SUN3: variants seen among roughly 807,000 people sequenced by gnomAD.
The protein encoded by SUN3 is Sad1 and UNC84 domain containing 3, also known as SUN domain-containing protein 3.
Under a neutral mutation model 48.2 loss-of-function variants are expected in SUN3, and 36 were observed. The ratio of observed to expected loss-of-function variants is 0.75; its 90% CI spans 0.57 to 0.99. The LOEUF is 0.99. SUN3 is among the 50% of genes least tolerant of loss of function. SUN3 has a pLI of 0.00. For missense variants in SUN3, 419 were observed against 433.1 expected (o/e 0.97, Z 0.29); for synonymous variants, 148 against 147.9 (o/e 1.00, Z 0.00).
At chr7:48,031,832 G>GCACACA (rs3073706), upstream of SUN3, among the ~76,000 whole-genome samples, 21,437 of 142,180 alleles carry the variant, frequency 0.15, 1,808 homozygotes, top group Middle Eastern at 0.21. Flanking sequence ...TGTGATTTAT[G>GCACACA]CACACACACA....
At chr7:48,000,032 T>A (rs1362090819) in intron 6 of SUN3, 2 of 152,262 alleles carry the variant, frequency 1.3e-5, no homozygotes, top group Non-Finnish European at 2.9e-5. Flanking sequence ...TAGAATTAAA[T>A]CTACATATAT....
upstream of SUN3, among the ~76,000 whole-genome samples, chr7:48,030,555 C>A (rs894316355): frequency 2.9e-4 from 44 of 152,324 alleles, no homozygotes; most frequent in African/African-American, 1.0e-3. Flanking sequence ...CATCTTGCTT[C>A]TTTCCCTTAA....
At chr7:48,012,215 A>C (rs1789702997) in intron 3 of SUN3, among the ~76,000 whole-genome samples, 1 of 152,222 alleles carries the variant, frequency 6.6e-6, no homozygotes, top group Non-Finnish European at 1.5e-5. Flanking sequence ...CACAGCCTCC[A>C]GGGATATTGT....
intron 3 of SUN3, among the ~76,000 whole-genome samples, chr7:48,016,791 G>A (rs1020508037): frequency 1.3e-5 from 2 of 152,200 alleles, no homozygotes; most frequent in Admixed American, 1.3e-4. Flanking sequence ...CACAGCCTGG[G>A]TAATTTATAA....
intron 3 of SUN3, among the ~76,000 whole-genome samples, chr7:48,014,974 G>C (rs1789772598): frequency 6.6e-6 from 1 of 152,148 alleles, no homozygotes; most frequent in Admixed American, 6.5e-5. Context: ...CCACATTGTA[G>C]AGGGTAGTCT....
chr7:48,012,324 G>A (rs115340861), intron 3 of SUN3, among the ~76,000 whole-genome samples: 341 of 152,152 alleles, frequency 2.2e-3, no homozygotes, highest in African/African-American at 6.9e-3. Context: ...ACACGAAGGC[G>A]TCAGGTAGAG....
intron 6 of SUN3, among the ~76,000 whole-genome samples, chr7:48,003,424 T>C (rs1789443252): frequency 6.6e-6 from 1 of 152,232 alleles, no homozygotes; most frequent in Non-Finnish European, 1.5e-5. Flanking sequence ...TTTAAAATAG[T>C]TTTATCTAGT....
At chr7:48,035,303 C>A in the SUN3 span, among the ~76,000 whole-genome samples, 8 of 152,094 alleles carry the variant, frequency 5.3e-5, no homozygotes, top group Non-Finnish European at 8.8e-5. This position sits in a 1 kb window ranked among gnomAD's most constrained non-coding sequence, Gnocchi z 4.0. Context: ...CTGCTCCCAC[C>A]CCCGCTGCGT....
At chr7:48,029,152 T>C (rs1386597257), upstream of SUN3, 12 of 598,380 alleles carry the variant, frequency 2.0e-5, no homozygotes, top group Non-Finnish European at 3.3e-5. Flanking sequence ...ATAATGCAGA[T>C]GGCCACCACG....
upstream of SUN3, among the ~76,000 whole-genome samples, chr7:48,030,806 G>A (rs1790245766): frequency 6.6e-6 from 1 of 152,154 alleles, no homozygotes; most frequent in African/African-American, 2.4e-5. Context: ...AAGTCTATGT[G>A]TATTTTTCAA....
intron 6 of SUN3, among the ~76,000 whole-genome samples, chr7:47,999,130 T>G (rs1789290458): frequency 1.3e-5 from 2 of 152,366 alleles, no homozygotes; most frequent in African/African-American, 2.4e-5. Flanking sequence ...TCCATAAACA[T>G]GGTATACTTG....
At chr7:48,022,635 T>C (rs1218090054) in intron 2 of SUN3, among the ~76,000 whole-genome samples, 1 of 151,354 alleles carries the variant, frequency 6.6e-6, no homozygotes, top group East Asian at 1.9e-4. Flanking sequence ...CCAAAGTTGA[T>C]AAAAAGCCAT....
intron 6 of SUN3, among the ~76,000 whole-genome samples, chr7:48,001,402 G>C (rs1789362882): frequency 6.6e-6 from 1 of 152,036 alleles, no homozygotes; most frequent in Non-Finnish European, 1.5e-5. Flanking sequence ...CCATGTCCCT[G>C]CAAAGGACAT....
At position 48,028,917 on chromosome 7, in the gene SUN3, T is replaced by C; in HGVS notation, c.22A>G (p.Arg8Gly). The C allele has an allele frequency of 6.2e-7, 1 of 1,613,938 alleles. No individual in the cohort carries two copies. Among genetic ancestry groups the C allele is most frequent in the Non-Finnish European group, 8.5e-7 (1 of 1,179,840 alleles). ...CGTCTAAAAAACATGGCAGCCCTTC[T>C]TGCCTTTGTTTTTCCACTCATGATC... Reference protein sequence around the residue: MSGKTKARRAAMFFRRCS... With the variant: MSGKTKAGRAAMFFRRCS... The change falls in exon 1 of 10, where the codon AGA (arginine) becomes GGA (glycine). Residue 8 changes from arginine (R) to glycine (G), a missense_variant. Physicochemically the swap from Arg to Gly is moderately radical, Grantham distance 125. Coordinates refer to ENST00000297325, the MANE Select transcript of SUN3 (RefSeq NM_001030019.2).
intron 4 of SUN3, among the ~76,000 whole-genome samples, chr7:48,008,114 ACG>A (rs1789582769): frequency 1.3e-5 from 2 of 151,830 alleles, no homozygotes; most frequent in Non-Finnish European, 2.9e-5. Context: ...GTGAGCCACC[ACG>A]CCCGGCCAAG....
In SUN3 at chr7:47,996,025, C is replaced by G; in HGVS notation, c.693+6G>C. The G allele has an allele frequency of 7.0e-7, 1 of 1,437,080 alleles. No homozygotes were observed. Among genetic ancestry groups the G allele is most frequent in the Non-Finnish European group, 9.4e-7 (1 of 1,060,756 alleles). 89.0% of individuals were successfully genotyped at this position (1,437,080 alleles called of 1,614,324 possible). A position where few individuals can be genotyped will look rare whatever the true frequency, so the allele number is the denominator to read the frequency against. On this transcript the variant is annotated splice_donor_region_variant and intron_variant, in intron 7 of 9. Coordinates refer to ENST00000297325, the MANE Select transcript of SUN3 (RefSeq NM_001030019.2). Reference sequence around the variant, plus strand: ...TAGAAATAAGTGATTCTTAATTTAGCTTTACCTGAAGAATAATATCTGGAG... The same window carrying G: ...TAGAAATAAGTGATTCTTAATTTAGGTTTACCTGAAGAATAATATCTGGAG...
chr7:48,006,579 C>G (rs1462702474), intron 5 of SUN3, among the ~76,000 whole-genome samples: 1 of 152,118 alleles, frequency 6.6e-6, no homozygotes. Context: ...CCAAAAGCAC[C>G]CTAAGCAGGC....
intron 8 of SUN3, among the ~76,000 whole-genome samples, chr7:47,991,779 G>A (rs1789070641): frequency 6.6e-6 from 1 of 152,120 alleles, no homozygotes; most frequent in East Asian, 1.9e-4. Flanking sequence ...GTCCATGTGG[G>A]GAGCGTGTGG....
chr7:48,008,113 C>T (rs2881993), intron 4 of SUN3, among the ~76,000 whole-genome samples: 34,138 of 152,046 alleles, frequency 0.22, 4,803 homozygotes, highest in Middle Eastern at 0.45. Flanking sequence ...CGTGAGCCAC[C>T]ACGCCCGGCC....
Sources: allele counts gnomAD v4.1 joint callset (sites outside exome capture counted in the v4.1 genomes callset), GRCh38; gene constraint gnomAD v4.1.1; non-coding constraint Gnocchi (gnomAD v3.1); transcripts MANE v1.5; gene names NCBI Gene and HGNC (gene_info 2026-07-23, HGNC 2026-07-21).